The following KLHDC8B variants were observed in gnomAD, a reference collection of about 807,000 sequenced individuals.
The protein encoded by KLHDC8B is kelch domain-containing protein 8B.
In KLHDC8B, 19 loss-of-function variants were observed where a neutral mutation model predicts 26.3. That is an observed-to-expected ratio of 0.72 (90% CI 0.50 to 1.06). The LOEUF (loss-of-function observed/expected upper bound fraction) is 1.06. Ranked by LOEUF, KLHDC8B falls within the 50% of genes least tolerant of loss-of-function variation. The probability of loss-of-function intolerance (pLI) is 0.00; values close to 1 mark genes in which losing one functional copy is unlikely to be tolerated. For synonymous variants in KLHDC8B, 150 were observed against 188.4 expected (o/e 0.80, Z 1.67); for missense variants, 411 against 488.1 (o/e 0.84, Z 1.49).
rs543669516 is a variant in KLHDC8B, at chr3:49,172,789, G to A, written c.20G>A (p.Arg7Gln). The A allele has an allele frequency of 8.7e-5, 141 of 1,613,096 alleles. No individual in the cohort carries two copies. Among genetic ancestry groups the A allele is most frequent in the Non-Finnish European group, 1.1e-4 (134 of 1,179,506 alleles). Residue 7 changes from arginine (R) to glutamine (Q), a missense_variant, in exon 2 of 6, where the codon CGG becomes CAG. Transcript: ENST00000332780. The part of the protein sequence containing the change: MSAGGG[R>Q]AFAWQVFPPM... ...AACACCATGTCTGCAGGAGGTGGCC[G>A]GGCCTTTGCTTGGCAAGTGTTCCCC...
In KLHDC8B at chr3:49,173,115, G is replaced by A. The variant is rs957597240; in HGVS notation, c.346G>A (p.Ala116Thr). The A allele has an allele frequency of 1.9e-6, 3 of 1,576,552 alleles. No individual in the cohort carries two copies. The highest frequency in any genetic ancestry group is 2.6e-6 in the Non-Finnish European group (3 of 1,161,470). ...GGAGCGTCGGGCCACCCTCCCTCAA[G>A]CAGCCATGGGGGTTGCAACTGTGGA... ...RWERRATLPQ[A>T]AMGVATVERD... Residue 116 changes from alanine (A) to threonine (T), a missense_variant, in exon 2 of 6, where the codon GCA (alanine) becomes ACA (threonine). By Grantham distance (58) the Ala-to-Thr change is moderately conservative (BLOSUM62 0). Coordinates refer to ENST00000332780, the MANE Select transcript of KLHDC8B (RefSeq NM_173546.3).
chr3:49,171,763 G>GC (rs1236121401), intron 1 of KLHDC8B, 78 bp downstream of exon 1: 2 of 152,460 alleles, frequency 1.3e-5, no homozygotes, highest in South Asian at 2.1e-4. Context: ...GCCCAGACCC[G>GC]CCCCCCACAT....
chr3:49,173,201 C>G (rs2045786082), intron 2 of KLHDC8B, 56 bp downstream of exon 2: 1 of 1,481,166 alleles, frequency 6.8e-7, no homozygotes, highest in Non-Finnish European at 9.0e-7. Context: ...TTATTATTTC[C>G]TGACTTAGTC....
chr3:49,176,224 G>T lies in KLHDC8B; in HGVS notation c.*423G>T. 1 of 177,668 alleles carries T rather than the reference G, an allele frequency of 5.6e-6. No homozygotes were observed. Among genetic ancestry groups the T allele is most frequent in the Non-Finnish European group, 1.2e-5 (1 of 84,866 alleles). The allele number at this position is 177,668 out of a possible 1,614,324, so 11.0% of individuals were successfully genotyped here. Reference sequence around the variant, plus strand: ...CCCTGCAGACCCAGGAGAGTTGAGAGGGTGGGGGACACAGAGAGAATAGAG... The same window carrying T: ...CCCTGCAGACCCAGGAGAGTTGAGATGGTGGGGGACACAGAGAGAATAGAG... On this transcript the variant is annotated 3_prime_UTR_variant, in exon 6 of 6. Transcript: ENST00000332780.
chr3:49,174,816 C>G lies in KLHDC8B; in HGVS notation c.616C>G (p.Pro206Ala), dbSNP rs139453635. The G allele has an allele frequency of 7.4e-6, 12 of 1,613,964 alleles. No homozygotes were observed. The African/African-American group carries it at 1.6e-4, about 22-fold the overall frequency. ...GGAGGCCCGTACATGGACCCGGCAT[C>G]CAAGCCTACCCAGCCGTCGGGCCTT... ...DLEARTWTRH[P>A]SLPSRRAFAG... Residue 206 changes from proline (P) to alanine (A), a missense_variant, in exon 4 of 6, where the codon CCA becomes GCA. Physicochemically the swap from Pro to Ala is conservative, Grantham distance 27. Coordinates refer to ENST00000332780, the MANE Select transcript of KLHDC8B (RefSeq NM_173546.3).
chr3:49,174,820 G>C lies in KLHDC8B; in HGVS notation c.620G>C (p.Ser207Thr), dbSNP rs1392733694. ...LEARTWTRHPSLPSRRAFAGC... is the reference protein window; with the variant it reads ...LEARTWTRHPTLPSRRAFAGC... ...GCCCGTACATGGACCCGGCATCCAAGCCTACCCAGCCGTCGGGCCTTTGCT... is the reference window on the plus strand; with the variant it reads ...GCCCGTACATGGACCCGGCATCCAACCCTACCCAGCCGTCGGGCCTTTGCT... Residue 207 changes from serine (S) to threonine (T), a missense_variant, in exon 4 of 6, where the codon AGC (serine) becomes ACC (threonine). Physicochemically the swap from Ser to Thr is moderately conservative, Grantham distance 58. Transcript: ENST00000332780. 1 of 1,614,076 alleles carries C rather than the reference G, an allele frequency of 6.2e-7. No individual in the cohort carries two copies. Among genetic ancestry groups the C allele is most frequent in the South Asian group, 1.1e-5 (1 of 91,084 alleles).
At chr3:49,174,522 G>C in intron 3 of KLHDC8B, 119 bp downstream of exon 3, 1 of 1,265,102 alleles carries the variant, frequency 7.9e-7, no homozygotes, top group Non-Finnish European at 1.1e-6. Context: ...AGCTTTGTTG[G>C]GGTGATCCAT....
In KLHDC8B at chr3:49,176,440, G is replaced by C. The variant is rs1035620688; in HGVS notation, c.*639G>C. 1 of 152,358 alleles carries C rather than the reference G, an allele frequency of 6.6e-6. No individual in the cohort carries two copies. Among genetic ancestry groups the C allele is most frequent in the Non-Finnish European group, 1.5e-5 (1 of 68,186 alleles). 9.4% of individuals were successfully genotyped at this position (152,358 alleles called of 1,614,324 possible). A position where few individuals can be genotyped will look rare whatever the true frequency, so the allele number is the denominator to read the frequency against. ...TACCTACCTCACAGGGCTGTTGTGA[G>C]GACCCAGGGAGTTTGGATGTGGAAG... On this transcript the variant is annotated 3_prime_UTR_variant, in exon 6 of 6. Coordinates refer to ENST00000332780, the MANE Select transcript of KLHDC8B (RefSeq NM_173546.3).
chr3:49,171,951 A>G (rs1418220017), intron 1 of KLHDC8B, among the ~76,000 whole-genome samples: 1 of 152,062 alleles, frequency 6.6e-6, no homozygotes, highest in Non-Finnish European at 1.5e-5. Flanking sequence ...TGTGGTCATG[A>G]GATTTCTCCA....
intron 5 of KLHDC8B, 54 bp downstream of exon 5, chr3:49,175,217 GC>G: frequency 6.9e-7 from 1 of 1,445,074 alleles, no homozygotes; most frequent in Non-Finnish European, 9.6e-7. Flanking sequence ...GGAAAGACTA[GC>G]CCCCAGCATG....
chr3:49,175,861 C>A lies in KLHDC8B; in HGVS notation c.*60C>A. 1 of 1,528,814 alleles carries A rather than the reference C, an allele frequency of 6.5e-7. No individual in the cohort carries two copies. The highest frequency in any genetic ancestry group is 9.0e-7 in the Non-Finnish European group (1 of 1,107,064). The allele number at this position is 1,528,814 out of a possible 1,614,324, so 94.7% of individuals were successfully genotyped here. A position where few individuals can be genotyped will look rare whatever the true frequency, so the allele number is the denominator to read the frequency against. ...TTGCCAGAGGCAGCTATTTCTATGG[C>A]TCCTTTTGCTGCTGAGGACACTCAC... On this transcript the variant is annotated 3_prime_UTR_variant, in exon 6 of 6. Transcript: ENST00000332780.
Position 49,174,317 on chromosome 3 carries a change from G to C in KLHDC8B, c.455G>C (p.Arg152Pro). The change falls in exon 3 of 6, where the codon CGG (arginine) becomes CCG (proline). Residue 152 changes from arginine to proline, a missense_variant. Arg to Pro is a moderately radical substitution (Grantham distance 103, BLOSUM62 -2). Coordinates refer to ENST00000332780, the MANE Select transcript of KLHDC8B (RefSeq NM_173546.3). ...QAQVRVYEPR[R>P]DCWLSLPSMP... is the part of the protein sequence containing the mutation. ...CAGGTACGTGTGTATGAGCCCCGTC[G>C]GGACTGCTGGCTTTCGCTACCCTCC... 1 of 1,613,926 alleles carries C rather than the reference G, an allele frequency of 6.2e-7. No homozygotes were observed. Among genetic ancestry groups the C allele is most frequent in the Non-Finnish European group, 8.5e-7 (1 of 1,179,924 alleles).
rs200076809 is a variant in KLHDC8B at position 49,174,931 on chromosome 3, T to C, written c.731T>C (p.Phe244Ser). ...GPHNFYSRPHFVNTVEMFDLE... is the reference protein window; with the variant it reads ...GPHNFYSRPHSVNTVEMFDLE... ...CACAACTTCTACTCTCGCCCACACT[T>C]TGTCAACACTGTGGAGATGTTTGAC... is the stretch of plus-strand genomic sequence containing the variant. The change falls in exon 4 of 6, where the codon TTT (phenylalanine) becomes TCT (serine). Residue 244 changes from phenylalanine to serine, a missense_variant. Physicochemically the swap from Phe to Ser is radical, Grantham distance 155. Transcript: ENST00000332780. 1 of 1,614,032 alleles carries C rather than the reference T, an allele frequency of 6.2e-7. No homozygotes were observed.
chr3:49,174,718 C>T, intron 3 of KLHDC8B, 24 bp from the exon 4 acceptor site: 1 of 1,582,394 alleles, frequency 6.3e-7, no homozygotes, highest in Non-Finnish European at 8.6e-7. Flanking sequence ...GGCTCCTTCC[C>T]AGGTACCCCA....
At position 49,172,617 on chromosome 3, in the gene KLHDC8B, T is replaced by C; in HGVS notation, c.-134-19T>C. Reference sequence around the variant, plus strand: ...GGGCCGGTCAGTGCCCTGACCCCTGTTTTCCCTCTTTCCTCCAGGTGAAGG... The same window carrying C: ...GGGCCGGTCAGTGCCCTGACCCCTGCTTTCCCTCTTTCCTCCAGGTGAAGG... On this transcript the variant is annotated intron_variant, in intron 1 of 5. Coordinates refer to ENST00000332780, the MANE Select transcript of KLHDC8B (RefSeq NM_173546.3). 1 of 719,320 alleles carries C rather than the reference T, an allele frequency of 1.4e-6. No homozygotes were observed. Among genetic ancestry groups the C allele is most frequent in the Admixed American group, 2.9e-5 (1 of 34,888 alleles). 44.6% of individuals were successfully genotyped at this position (719,320 alleles called of 1,614,324 possible).
chr3:49,174,800 T>G lies in KLHDC8B; in HGVS notation c.600T>G (p.Arg200=). ...TAFEAFDLEA[R]TWTRHPSLPS... is the part of the protein sequence containing the mutation. ...TTGAAGCCTTTGATCTGGAGGCCCGTACATGGACCCGGCATCCAAGCCTAC... is the reference window on the plus strand; with the variant it reads ...TTGAAGCCTTTGATCTGGAGGCCCGGACATGGACCCGGCATCCAAGCCTAC... The change falls in exon 4 of 6, where the codon CGT becomes CGG. Residue 200 remains arginine (R), a synonymous_variant. Coordinates refer to ENST00000332780, the MANE Select transcript of KLHDC8B (RefSeq NM_173546.3). The G allele has an allele frequency of 6.2e-7, 1 of 1,613,936 alleles. No homozygotes were observed. Among genetic ancestry groups the G allele is most frequent in the Non-Finnish European group, 8.5e-7 (1 of 1,179,984 alleles).
Position 49,176,125 on chromosome 3 carries a change from C to G in KLHDC8B, c.*324C>G, listed in dbSNP as rs1559426269. 2 of 309,992 alleles carry G rather than the reference C, an allele frequency of 6.5e-6. No individual in the cohort carries two copies. Among genetic ancestry groups the G allele is most frequent in the East Asian group, 1.5e-4 (2 of 13,186 alleles). 19.2% of individuals were successfully genotyped at this position (309,992 alleles called of 1,614,324 possible). On this transcript the variant is annotated 3_prime_UTR_variant, in exon 6 of 6. Transcript: ENST00000332780. ...GGCCTCATGCTCTTCAGGGTCAGTT[C>G]CTATCTGGAGTTGACCAGGCCTACC...
chr3:49,175,084 CA>C lies in KLHDC8B; in HGVS notation c.790del (p.Ser264AlafsTer4), dbSNP rs780692925. ...EHGSWTKLPRSLRMRDKRADF... is the reference protein window; with the variant it reads ...EHGSWTKLPRXLRMRDKRADF... ...CAGGGTCCTGGACCAAATTGCCCCGCAGCCTGCGCATGAGGGATAAGAGGGC... is the reference window on the plus strand; with the variant it reads ...CAGGGTCCTGGACCAAATTGCCCCGCGCCTGCGCATGAGGGATAAGAGGGC... On this transcript the variant is annotated frameshift_variant, in exon 5 of 6. Transcript: ENST00000332780. LOFTEE classifies it high-confidence loss of function. 3.7e-6 allele frequency: 6 copies of C among 1,614,184 alleles called. No individual in the cohort carries two copies. The highest frequency in any genetic ancestry group is 5.1e-6 in the Non-Finnish European group (6 of 1,180,020).
chr3:49,175,983 C>T lies in KLHDC8B; in HGVS notation c.*182C>T, dbSNP rs2045825468. ...GAGCCTTTGTCTTTAGTGCAGGACACACATATGCTTACACCTACCTTTATC... is the reference window on the plus strand; with the variant it reads ...GAGCCTTTGTCTTTAGTGCAGGACATACATATGCTTACACCTACCTTTATC... On this transcript the variant is annotated 3_prime_UTR_variant, in exon 6 of 6. Transcript: ENST00000332780. 1.6e-6 allele frequency: 1 copy of T among 609,338 alleles called. No homozygotes were observed. The highest frequency in any genetic ancestry group is 2.9e-6 in the Non-Finnish European group (1 of 342,712). The allele number at this position is 609,338 out of a possible 1,614,324, so 37.7% of individuals were successfully genotyped here. A position where few individuals can be genotyped will look rare whatever the true frequency, so the allele number is the denominator to read the frequency against.
Sources: gnomAD v4.1 joint callset for allele counts (sites outside exome capture counted in the v4.1 genomes callset) on GRCh38, gnomAD v4.1.1 for gene constraint, MANE v1.5 for transcripts, NCBI Gene and HGNC (gene_info 2026-07-23, HGNC 2026-07-21) for gene names.